The following SCNN1B variants were observed in gnomAD, a reference collection of about 807,000 sequenced individuals.
SCNN1B encodes the protein epithelial sodium channel subunit beta.
A neutral mutation model predicts 65.3 loss-of-function variants in SCNN1B; 46 were observed. That is an observed-to-expected ratio of 0.70 (90% CI 0.56 to 0.90). The LOEUF is 0.90. Ranked by LOEUF, SCNN1B falls within the 40% of genes least tolerant of loss-of-function variation. The pLI, the probability that SCNN1B is intolerant of heterozygous loss-of-function variation, is 0.00. For synonymous variants in SCNN1B, 349 were observed against 330.6 expected, an observed-to-expected ratio of 1.06 and a Z score of -0.60; for missense variants, 751 against 830.5, an observed-to-expected ratio of 0.90 and a Z score of 1.18.
chr16:23,381,131 T>C lies in SCNN1B; in HGVS notation c.*330T>C, dbSNP rs1963043792. ...ACTTCCCTCCCAGTGCCAGTCTCCA[T>C]CCACCCCAGAGAGGAACAGGCGGGT... On this transcript the variant is annotated 3_prime_UTR_variant, in exon 13 of 13. Transcript: ENST00000343070. 2 of 410,062 alleles carry C rather than the reference T, an allele frequency of 4.9e-6. No homozygotes were observed. Among genetic ancestry groups the C allele is most frequent in the Non-Finnish European group, 9.1e-6 (2 of 219,236 alleles). 25.4% of individuals were successfully genotyped at this position (410,062 alleles called of 1,614,324 possible).
intron 1 of SCNN1B, among the ~76,000 whole-genome samples, chr16:23,324,188 C>CT (rs780078926): frequency 0.083 from 11,371 of 137,452 alleles, 1,302 homozygotes; most frequent in African/African-American, 0.26. Flanking sequence ...CAAAAGCTCA[C>CT]TTTTTTTTTT....
chr16:23,376,271 G>T (rs1215531087), intron 8 of SCNN1B, among the ~76,000 whole-genome samples: 1 of 152,160 alleles, frequency 6.6e-6, no homozygotes. Flanking sequence ...ACTGCAGTGG[G>T]TTGCTGTATG....
At chr16:23,294,460 T>C (rs1960967578) in intron 2 of SCNN1B, among the ~76,000 whole-genome samples, 1 of 150,120 alleles carries the variant, frequency 6.7e-6, no homozygotes, top group Non-Finnish European at 1.5e-5. Flanking sequence ...CAAGCTTTGT[T>C]CCCATCCCCC....
chr16:23,379,975 T>TGCATACATGTGGGTGTGTGC (rs1963004325), intron 11 of SCNN1B, 119 bp from the exon 12 acceptor site: 2 of 809,138 alleles, frequency 2.5e-6, no homozygotes, highest in Non-Finnish European at 4.4e-6. Context: ...TACATGTGTG[T>TGCATACATGTGGGTGTGTGC]GCATACATGT....
intron 2 of SCNN1B, among the ~76,000 whole-genome samples, chr16:23,288,918 G>A (rs367937153): frequency 3.3e-5 from 5 of 152,252 alleles, no homozygotes; most frequent in Non-Finnish European, 4.4e-5. Context: ...GTTTTTGCCC[G>A]GAAGCCACTC....
intron 2 of SCNN1B, among the ~76,000 whole-genome samples, chr16:23,292,365 G>T (rs2141971048): frequency 6.7e-6 from 1 of 149,702 alleles, no homozygotes; most frequent in South Asian, 2.1e-4. Context: ...AGCTAATTTT[G>T]TTTTTGTATT....
At chr16:23,360,784 TTTTTG>T (rs1962536311) in intron 4 of SCNN1B, among the ~76,000 whole-genome samples, 1 of 149,654 alleles carries the variant, frequency 6.7e-6, no homozygotes, top group Non-Finnish European at 1.5e-5. Flanking sequence ...TGGTTTTTGG[TTTTTG>T]GTTTTGTTTT....
intron 2 of SCNN1B, among the ~76,000 whole-genome samples, chr16:23,351,285 C>G (rs555121808): frequency 6.6e-6 from 1 of 152,170 alleles, no homozygotes; most frequent in Non-Finnish European, 1.5e-5. Context: ...ATCTTCCCAA[C>G]GATTCTCTGG....
intron 1 of SCNN1B, among the ~76,000 whole-genome samples, chr16:23,283,328 T>C (rs1960807684): frequency 1.3e-5 from 2 of 152,168 alleles, no homozygotes; most frequent in Admixed American, 1.3e-4. Flanking sequence ...TGAGGATCTC[T>C]TGAACTCGAG....
At chr16:23,330,210 C>T (rs1178360876) in intron 1 of SCNN1B, among the ~76,000 whole-genome samples, 4 of 152,248 alleles carry the variant, frequency 2.6e-5, no homozygotes, top group Non-Finnish European at 4.4e-5. Context: ...GACCCCGACT[C>T]GGCAGGTGGA....
chr16:23,315,217 G>T (rs1961427944), intron 1 of SCNN1B, among the ~76,000 whole-genome samples: 1 of 152,046 alleles, frequency 6.6e-6, no homozygotes, highest in East Asian at 1.9e-4. Context: ...CATGCCTGTA[G>T]TCCCAGCTGC....
intron 1 of SCNN1B, among the ~76,000 whole-genome samples, chr16:23,322,590 CGT>C (rs1961611865): frequency 6.6e-6 from 1 of 152,028 alleles, no homozygotes; most frequent in Non-Finnish European, 1.5e-5. Context: ...GCATTACAGG[CGT>C]GAGCCACTAT....
chr16:23,299,169 C>G (rs1961039357), upstream of SCNN1B, among the ~76,000 whole-genome samples: 1 of 151,014 alleles, frequency 6.6e-6, no homozygotes, highest in Non-Finnish European at 1.5e-5. Flanking sequence ...AAGTGATTCT[C>G]CCACCTCAGC....
At position 23,305,962 on chromosome 16, in the gene SCNN1B, G is replaced by C. The variant is rs566881373; in HGVS notation, c.-9+3525G>C. Among the ~76,000 whole-genome samples, 306 of 152,188 alleles carry C rather than the reference G, an allele frequency of 2.0e-3. 1 individual carries two copies. The highest frequency in any genetic ancestry group is 3.0e-3 in the Non-Finnish European group (202 of 68,020). On this transcript the variant is annotated intron_variant, in intron 1 of 12. Transcript: ENST00000343070. Reference sequence around the variant, plus strand: ...GCAGTGGATTAATTACAAGTTTCAGGCCAGGCGCAGTGGCTCACGCCTGTA... The same window carrying C: ...GCAGTGGATTAATTACAAGTTTCAGCCCAGGCGCAGTGGCTCACGCCTGTA...
chr16:23,309,437 T>C (rs373703715), intron 1 of SCNN1B, among the ~76,000 whole-genome samples: 75 of 141,094 alleles, frequency 5.3e-4, no homozygotes, highest in Non-Finnish European at 8.3e-4. Context: ...GATAGATAGA[T>C]AGACAGATAG....
At chr16:23,317,861 T>C (rs1431379683) in intron 1 of SCNN1B, among the ~76,000 whole-genome samples, 1 of 152,194 alleles carries the variant, frequency 6.6e-6, no homozygotes, top group Non-Finnish European at 1.5e-5. Context: ...AGGGATGTCA[T>C]TGTCAATCAC....
upstream of SCNN1B, among the ~76,000 whole-genome samples, chr16:23,299,905 G>A (rs372658930): frequency 2.6e-4 from 39 of 152,208 alleles, no homozygotes; most frequent in African/African-American, 7.9e-4. Context: ...TGTTTATTGC[G>A]GCACTATTCA....
chr16:23,380,173 A>G lies in SCNN1B; in HGVS notation c.1542+4A>G. 6.2e-7 allele frequency: 1 copy of G among 1,612,774 alleles called. No homozygotes were observed. On this transcript the variant is annotated splice_donor_region_variant and intron_variant, in intron 12 of 12. Transcript: ENST00000343070. The surrounding 1 kb of genome is among the most constrained non-coding windows in gnomAD (Gnocchi z 5.4). The stretch of plus-strand genomic sequence containing the variant: ...TGAAGAATCAGCAGCCAATAACGTG[A>G]GTTTAGGAGTCTCCCAATACCCCAG...
chr16:23,326,444 T>C (rs1961698665), intron 1 of SCNN1B, among the ~76,000 whole-genome samples: 1 of 152,016 alleles, frequency 6.6e-6, no homozygotes, highest in Non-Finnish European at 1.5e-5. Flanking sequence ...TAAACCCACA[T>C]GGTTTTTTTG....
Sources: gnomAD v4.1 joint callset for allele counts (sites outside exome capture counted in the v4.1 genomes callset) on GRCh38, gnomAD v4.1.1 for gene constraint, Gnocchi (gnomAD v3.1) non-coding constraint, MANE v1.5 for transcripts, NCBI Gene and HGNC (gene_info 2026-07-23, HGNC 2026-07-21) for gene names.